The following DNAH14 variants were observed in gnomAD, a reference collection of about 807,000 sequenced individuals.
The protein encoded by DNAH14 is dynein axonemal heavy chain 14, also known as axonemal beta dynein heavy chain 14.
A neutral mutation model predicts 520.9 loss-of-function variants in DNAH14; 478 were observed. That is an observed-to-expected ratio of 0.92 (90% CI 0.85 to 0.99). DNAH14 has a LOEUF of 0.99. DNAH14 is among the 50% of genes least tolerant of loss of function. DNAH14 has a pLI of 0.00. For synonymous variants in DNAH14, 1,581 were observed against 1,757.2 expected, an observed-to-expected ratio of 0.90 and a Z score of 2.51; for missense variants, 4,831 against 5,234.5, an observed-to-expected ratio of 0.92 and a Z score of 2.38.
chr1:225,039,342 T>G (rs2067241439), intron 12 of DNAH14, among the ~76,000 whole-genome samples: 1 of 152,182 alleles, frequency 6.6e-6, no homozygotes, highest in African/African-American at 2.4e-5. Context: ...GTTCTTAACT[T>G]AAAAATGGGA....
chr1:225,074,850 C>A (rs561162497), intron 17 of DNAH14, among the ~76,000 whole-genome samples: 8 of 152,332 alleles, frequency 5.3e-5, no homozygotes, highest in African/African-American at 1.9e-4. Context: ...TGCAACACTG[C>A]TACCTGTGGC....
chr1:225,171,335 G>GT lies in DNAH14; in HGVS notation c.5535+3313dup, dbSNP rs575561104. ...AAAAAATCAGTGAATCCAGGAGCTG[G>GT]TTTTTTGAAAAGATCAACAAAATTG... On this transcript the variant is annotated intron_variant, in intron 36 of 85. Transcript: ENST00000682510. Among the ~76,000 whole-genome samples, 751 of 152,170 alleles carry GT rather than the reference G, an allele frequency of 4.9e-3. 6 individuals carry two copies. The highest frequency in any genetic ancestry group is 0.017 in the African/African-American group (710 of 41,498).
At chr1:224,930,852 A>C (rs1028175518) in intron 1 of DNAH14, among the ~76,000 whole-genome samples, 1 of 152,148 alleles carries the variant, frequency 6.6e-6, no homozygotes, top group South Asian at 2.1e-4. Flanking sequence ...CCCACCTCGG[A>C]GTCCCAAAGT....
At chr1:225,244,172 G>T (rs674493) in intron 43 of DNAH14, among the ~76,000 whole-genome samples, 30,152 of 151,790 alleles carry the variant, frequency 0.2, 3,139 homozygotes, top group East Asian at 0.37. Context: ...TTTGTGTATG[G>T]TGAACCAGCC....
chr1:224,986,717 ATTG>A (rs2062671727), intron 8 of DNAH14, among the ~76,000 whole-genome samples: 1 of 152,198 alleles, frequency 6.6e-6, no homozygotes. Flanking sequence ...CACAGCTAGC[ATTG>A]TTGTACTGAA....
chr1:225,343,437 A>G (rs1470002269), intron 69 of DNAH14, among the ~76,000 whole-genome samples: 1 of 152,140 alleles, frequency 6.6e-6, no homozygotes, highest in East Asian at 1.9e-4. Context: ...CTTTCCTCCT[A>G]GGATCCTCCT....
At chr1:225,070,238 C>T (rs769087330) in intron 17 of DNAH14, among the ~76,000 whole-genome samples, 1 of 152,022 alleles carries the variant, frequency 6.6e-6, no homozygotes, top group Non-Finnish European at 1.5e-5. Flanking sequence ...TATTTCTTGT[C>T]TCCTGCTAAC....
intron 17 of DNAH14, among the ~76,000 whole-genome samples, chr1:225,063,464 C>T (rs2456333): frequency 0.8 from 121,098 of 151,996 alleles, 51,647 homozygotes; most frequent in Non-Finnish European, 0.96. Flanking sequence ...TCTATGGATG[C>T]GAAAGCCACA....
At chr1:225,231,173 A>G (rs1359427822) in intron 42 of DNAH14, 22 bp downstream of exon 42, 21 of 1,508,224 alleles carry the variant, frequency 1.4e-5, no homozygotes, top group Non-Finnish European at 1.9e-5. Context: ...TCCTTCAGAA[A>G]ACATGTTTTA....
chr1:225,046,491 G>A lies in DNAH14; in HGVS notation c.1912+2508G>A, dbSNP rs575072344. On this transcript the variant is annotated intron_variant, in intron 15 of 85. Coordinates refer to ENST00000682510, the MANE Select transcript of DNAH14 (RefSeq NM_001367479.1). ...TTATCTGGCGTATGTTGTGAAGTAG[G>A]ACTTCACTTTTAATTTTTCTCAGAT... Among the ~76,000 whole-genome samples, 11 of 152,108 alleles carry A rather than the reference G, an allele frequency of 7.2e-5. No homozygotes were observed. In the South Asian group the frequency reaches 2.1e-3, roughly 29 times the overall value.
Position 225,173,351 on chromosome 1 carries a change from A to G in DNAH14, c.5535+5323A>G, listed in dbSNP as rs576002262. Among the ~76,000 whole-genome samples, 13 of 152,372 alleles carry G rather than the reference A, an allele frequency of 8.5e-5. No individual in the cohort carries two copies. In the South Asian group the frequency reaches 2.1e-3, roughly 24 times the overall value. On this transcript the variant is annotated intron_variant, in intron 36 of 85. Transcript: ENST00000682510. The stretch of plus-strand genomic sequence containing the variant: ...TACAGAATGGGGGAAAATTTTTGCA[A>G]TCTACTCATCTGACAAAGGGCTAAT...
chr1:225,088,919 T>A (rs926639323), intron 21 of DNAH14, among the ~76,000 whole-genome samples: 1 of 152,218 alleles, frequency 6.6e-6, no homozygotes, highest in African/African-American at 2.4e-5. Context: ...AACCATTATA[T>A]GTACTAAAGA....
At position 225,360,887 on chromosome 1, in the gene DNAH14, G is replaced by T; in HGVS notation, c.11983G>T (p.Glu3995Ter). 2 of 1,551,116 alleles carry T rather than the reference G, an allele frequency of 1.3e-6. No individual in the cohort carries two copies. The highest frequency in any genetic ancestry group is 1.7e-6 in the Non-Finnish European group (2 of 1,146,512). Residue 3995 changes from glutamate (E) to a stop codon, truncating the protein, a stop_gained, in exon 75 of 86, where the codon GAA becomes TAA. Transcript: ENST00000682510. LOFTEE classifies it high-confidence loss of function. The part of the protein sequence containing the change: ...SFMPRLCTIV[E>*]SFNSPNVTID... ...TATGCCAAGGCTTTGCACAATTGTA[G>T]AATCGTAAGAGTTTTACATTTATCT...
chr1:225,382,769 T>C (rs988901840), intron 81 of DNAH14, among the ~76,000 whole-genome samples: 1 of 151,946 alleles, frequency 6.6e-6, no homozygotes, highest in African/African-American at 2.4e-5. Context: ...GGCAGCATTA[T>C]TTGTAATACC....
chr1:225,162,616 T>A (rs1253133719), intron 35 of DNAH14, among the ~76,000 whole-genome samples: 1 of 152,212 alleles, frequency 6.6e-6, no homozygotes, highest in Non-Finnish European at 1.5e-5. Flanking sequence ...ATCTGTAGAT[T>A]GTTTTGGGTA....
chr1:225,282,266 G>A (rs2093642933), intron 54 of DNAH14, among the ~76,000 whole-genome samples: 2 of 152,162 alleles, frequency 1.3e-5, no homozygotes. Flanking sequence ...TCCAGGCTTG[G>A]GACAGCTATG....
chr1:225,129,361 T>C (rs1458270241), intron 27 of DNAH14, among the ~76,000 whole-genome samples: 3 of 151,808 alleles, frequency 2.0e-5, no homozygotes, highest in Non-Finnish European at 4.4e-5. Flanking sequence ...CATCACCAAG[T>C]CAATCCTAAG....
intron 19 of DNAH14, among the ~76,000 whole-genome samples, chr1:225,081,029 T>C (rs933395127): frequency 6.6e-6 from 1 of 152,222 alleles, no homozygotes; most frequent in African/African-American, 2.4e-5. Flanking sequence ...TGGCCCTTCT[T>C]AGGGCACTGG....
chr1:225,231,830 CA>C (rs71574525), intron 42 of DNAH14, among the ~76,000 whole-genome samples: 30,106 of 151,954 alleles, frequency 0.2, 3,124 homozygotes, highest in East Asian at 0.37. Flanking sequence ...TTGGTTTCCC[CA>C]ATTTTTTCCT....
Sources: allele counts gnomAD v4.1 joint callset (sites outside exome capture counted in the v4.1 genomes callset), GRCh38; gene constraint gnomAD v4.1.1; transcripts MANE v1.5; gene names NCBI Gene and HGNC (gene_info 2026-07-23, HGNC 2026-07-21).